Variants in AJAP1 observed in about 807,000 individuals in gnomAD.
The protein encoded by AJAP1 is adherens junctions associated protein 1, also known as adherens junction-associated protein 1.
Under a neutral mutation model 35.0 loss-of-function variants are expected in AJAP1, and 5 were observed. That is an observed-to-expected ratio of 0.14 (90% CI 0.07 to 0.30). The LOEUF is 0.30. AJAP1 is among the 10% of genes least tolerant of loss of function. The pLI, the probability that AJAP1 is intolerant of heterozygous loss-of-function variation, is 1.00. For missense variants in AJAP1, 586 were observed against 571.0 expected, an observed-to-expected ratio of 1.03 and a Z score of -0.27; for synonymous variants, 284 against 249.3, an observed-to-expected ratio of 1.14 and a Z score of -1.31.
At chr1:4,664,021 T>C (rs1202037534) in intron 1 of AJAP1, among the ~76,000 whole-genome samples, 1 of 152,192 alleles carries the variant, frequency 6.6e-6, no homozygotes, top group Non-Finnish European at 1.5e-5. Context: ...ACTTACTATG[T>C]AGCAGGCACT....
chr1:4,655,863 T>TA lies in AJAP1; in HGVS notation c.29+412dup, dbSNP rs548670698. On this transcript the variant is annotated intron_variant, in intron 1 of 5. Coordinates refer to ENST00000378191, the MANE Select transcript of AJAP1 (RefSeq NM_018836.4). This position sits in a 1 kb window ranked among gnomAD's most constrained non-coding sequence, Gnocchi z 6.9. ...GGGGGCCGGGGCTGCCGGGGAAAGCTAAAGCTCCGGGCTCCCAGCGAGAGC... is the reference window on the plus strand; with the variant it reads ...GGGGGCCGGGGCTGCCGGGGAAAGCTAAAAGCTCCGGGCTCCCAGCGAGAGC... Among the ~76,000 whole-genome samples the TA allele has an allele frequency of 6.6e-6, 1 of 151,148 alleles. No homozygotes were observed. Among genetic ancestry groups the TA allele is most frequent in the Non-Finnish European group, 1.5e-5 (1 of 67,674 alleles).
At chr1:4,763,758 C>CT (rs1641622457) in intron 2 of AJAP1, among the ~76,000 whole-genome samples, 3 of 150,472 alleles carry the variant, frequency 2.0e-5, no homozygotes, top group African/African-American at 7.4e-5. Flanking sequence ...TCTCCCTCTC[C>CT]CTCTGTCTCT....
chr1:4,767,327 TC>T (rs1356059517), intron 2 of AJAP1, among the ~76,000 whole-genome samples: 1 of 151,718 alleles, frequency 6.6e-6, no homozygotes, highest in Non-Finnish European at 1.5e-5. Context: ...ACCATCACTA[TC>T]ATTATTACCA....
At chr1:4,764,558 C>CT (rs567419032) in intron 2 of AJAP1, among the ~76,000 whole-genome samples, 48 of 152,272 alleles carry the variant, frequency 3.2e-4, no homozygotes, top group African/African-American at 1.1e-3. Flanking sequence ...AAATGAATGG[C>CT]TTTTTTGGGA....
At chr1:4,773,840 A>G (rs1570227344) in intron 4 of AJAP1, among the ~76,000 whole-genome samples, 1 of 152,124 alleles carries the variant, frequency 6.6e-6, no homozygotes, top group Non-Finnish European at 1.5e-5. Flanking sequence ...TGCTTGTGTT[A>G]TGCAGGGAGG....
intron 1 of AJAP1, among the ~76,000 whole-genome samples, chr1:4,672,391 T>A (rs1223677891): frequency 6.6e-6 from 1 of 152,186 alleles, no homozygotes; most frequent in East Asian, 1.9e-4. Flanking sequence ...GATGGAAGAC[T>A]GGTTTTGCAT....
chr1:4,698,537 C>T (rs1037258954), intron 1 of AJAP1, among the ~76,000 whole-genome samples: 5 of 152,148 alleles, frequency 3.3e-5, no homozygotes, highest in South Asian at 2.1e-4. Flanking sequence ...CCCCTCCCGC[C>T]GAAATCCAGT....
At chr1:4,730,527 G>T (rs1007231313) in intron 2 of AJAP1, among the ~76,000 whole-genome samples, 2 of 152,192 alleles carry the variant, frequency 1.3e-5, no homozygotes, top group African/African-American at 4.8e-5. Context: ...AAGCTGTTGC[G>T]TGTGTGATTG....
At chr1:4,774,861 G>T (rs1422460414) in intron 5 of AJAP1, among the ~76,000 whole-genome samples, 1 of 152,002 alleles carries the variant, frequency 6.6e-6, no homozygotes, top group Non-Finnish European at 1.5e-5. Flanking sequence ...CACCACATGC[G>T]TGGCCTACGT....
At chr1:4,781,788 C>T (rs533170936) in intron 5 of AJAP1, among the ~76,000 whole-genome samples, 5 of 152,326 alleles carry the variant, frequency 3.3e-5, no homozygotes, top group South Asian at 2.1e-4. Flanking sequence ...CCGGGGTGAC[C>T]GTCTGAGGGA....
At chr1:4,716,845 T>C (rs1195627759) in intron 2 of AJAP1, among the ~76,000 whole-genome samples, 1 of 152,196 alleles carries the variant, frequency 6.6e-6, no homozygotes, top group Non-Finnish European at 1.5e-5. Context: ...TACTGCTCTA[T>C]TGAGGGGTCA....
intron 2 of AJAP1, among the ~76,000 whole-genome samples, chr1:4,727,404 G>C (rs1640690536): frequency 6.6e-6 from 1 of 152,190 alleles, no homozygotes; most frequent in Non-Finnish European, 1.5e-5. Flanking sequence ...GAAAGCTAAT[G>C]TCTCCCTTAA....
intron 1 of AJAP1, among the ~76,000 whole-genome samples, chr1:4,676,502 A>T (rs1167079844): frequency 6.6e-6 from 1 of 152,162 alleles, no homozygotes; most frequent in Non-Finnish European, 1.5e-5. Context: ...CCCTTCTCAG[A>T]AACAGTGAAA....
In AJAP1 at chr1:4,712,197, C is replaced by T; in HGVS notation, c.327C>T (p.Ala109=). 3.2e-6 allele frequency: 5 copies of T among 1,563,918 alleles called. No individual in the cohort carries two copies. Among genetic ancestry groups the T allele is most frequent in the Admixed American group, 1.9e-5 (1 of 53,582 alleles). Residue 109 remains alanine, a synonymous_variant, in exon 2 of 6, where the codon GCC becomes GCT. Transcript: ENST00000378191. ...RRAHRPRDQA[A]ALVPKAGLAK... is the part of the protein sequence containing the mutation. ...CCCACAGGCCCCGGGACCAGGCGGCCGCCCTCGTGCCCAAGGCAGGACTGG... is the reference window on the plus strand; with the variant it reads ...CCCACAGGCCCCGGGACCAGGCGGCTGCCCTCGTGCCCAAGGCAGGACTGG...
rs1332964563 is a variant in AJAP1, at chr1:4,789,416, T to C, written c.*6931T>C. 6.6e-6 allele frequency: 1 copy of C among 152,204 alleles called. No individual in the cohort carries two copies. The highest frequency in any genetic ancestry group is 2.4e-5 in the African/African-American group (1 of 41,444). The allele number at this position is 152,204 out of a possible 1,614,324, so 9.4% of individuals were successfully genotyped here. The stretch of plus-strand genomic sequence containing the variant: ...GCGGCAGGAAAGGATGCAGGGAGCA[T>C]TGGACTGTAGGAAATTCTCCTTTAT... On this transcript the variant is annotated 3_prime_UTR_variant, in exon 6 of 6. Coordinates refer to ENST00000378191, the MANE Select transcript of AJAP1 (RefSeq NM_018836.4). This position sits in a 1 kb window ranked among gnomAD's most constrained non-coding sequence, Gnocchi z 4.4.
chr1:4,723,340 TG>T lies in AJAP1; in HGVS notation c.829+10643del, dbSNP rs1640567506. On this transcript the variant is annotated intron_variant, in intron 2 of 5. Coordinates refer to ENST00000378191, the MANE Select transcript of AJAP1 (RefSeq NM_018836.4). The surrounding 1 kb of genome is among the most constrained non-coding windows in gnomAD (Gnocchi z 4.3). ...ATTCCTGAGTCTGCCACTCGGGGGC[TG>T]GTGCAGCCCGGAGTAGAAGCTCAGC... is the stretch of plus-strand genomic sequence containing the variant. Among the ~76,000 whole-genome samples the T allele has an allele frequency of 6.6e-6, 1 of 152,102 alleles. No individual in the cohort carries two copies. The highest frequency in any genetic ancestry group is 6.5e-5 in the Admixed American group (1 of 15,276).
At chr1:4,756,897 C>T (rs1641444254) in intron 2 of AJAP1, among the ~76,000 whole-genome samples, 4 of 151,988 alleles carry the variant, frequency 2.6e-5, no homozygotes, top group Admixed American at 2.6e-4. Flanking sequence ...CTGCAGTGCC[C>T]CCTCCAAGTG....
chr1:4,673,415 TTCTG>T (rs1263936247), intron 1 of AJAP1, among the ~76,000 whole-genome samples: 2 of 152,190 alleles, frequency 1.3e-5, no homozygotes, highest in Non-Finnish European at 2.9e-5. Context: ...TCTGTTCTCT[TTCTG>T]TCTTTCTTCT....
Position 4,783,634 on chromosome 1 carries a change from A to G in AJAP1, c.*1149A>G, listed in dbSNP as rs1447666979. The G allele has an allele frequency of 1.3e-5, 2 of 150,268 alleles. No individual in the cohort carries two copies. Among genetic ancestry groups the G allele is most frequent in the Admixed American group, 6.6e-5 (1 of 15,078 alleles). The allele number at this position is 150,268 out of a possible 1,614,324, so 9.3% of individuals were successfully genotyped here. On this transcript the variant is annotated 3_prime_UTR_variant, in exon 6 of 6. Coordinates refer to ENST00000378191, the MANE Select transcript of AJAP1 (RefSeq NM_018836.4). Reference sequence around the variant, plus strand: ...TTTCATTTAAGTGTTGGAAGATGCTACCTAACAGCCACGTTCACATTTACG... The same window carrying G: ...TTTCATTTAAGTGTTGGAAGATGCTGCCTAACAGCCACGTTCACATTTACG...
Sources: allele counts gnomAD v4.1 joint callset (sites outside exome capture counted in the v4.1 genomes callset), GRCh38; gene constraint gnomAD v4.1.1; non-coding constraint Gnocchi (gnomAD v3.1); transcripts MANE v1.5; gene names NCBI Gene and HGNC (gene_info 2026-07-23, HGNC 2026-07-21).